Variants in PFKP observed in about 807,000 individuals in gnomAD.
PFKP encodes the protein ATP-dependent 6-phosphofructokinase, platelet type.
A neutral mutation model predicts 94.3 loss-of-function variants in PFKP; 101 were observed. That is an observed-to-expected ratio of 1.07 (90% confidence interval 0.91 to 1.26). The LOEUF (loss-of-function observed/expected upper bound fraction) is 1.26, where lower values mean the gene tolerates loss of function less well. Ranked by LOEUF, PFKP falls within the 50% of genes most tolerant of loss-of-function variation. The probability of loss-of-function intolerance (pLI) is 0.00; values close to 1 mark genes in which losing one functional copy is unlikely to be tolerated. For synonymous variants in PFKP, 573 were observed against 432.6 expected, an observed-to-expected ratio of 1.32 and a Z score of -4.03; for missense variants, 1,145 against 1,103.3, an observed-to-expected ratio of 1.04 and a Z score of -0.53.
intron 1 of PFKP, chr10:3,070,423 G>A (rs1318671670): frequency 2.0e-5 from 3 of 152,182 alleles, no homozygotes; most frequent in Non-Finnish European, 4.4e-5. Context: ...ACTATTGCTT[G>A]TAGCTAGAGA....
At chr10:3,073,738 G>A (rs769873283) in intron 1 of PFKP, among the ~76,000 whole-genome samples, 5 of 149,424 alleles carry the variant, frequency 3.3e-5, no homozygotes, top group African/African-American at 4.9e-5. Context: ...TGAAAGGGTG[G>A]CATGCAGTAG....
chr10:3,118,494 A>G (rs147104442), intron 14 of PFKP, among the ~76,000 whole-genome samples: 1 of 152,216 alleles, frequency 6.6e-6, no homozygotes, highest in Non-Finnish European at 1.5e-5. Flanking sequence ...ATTAATTATA[A>G]CTTCTTAATT....
intron 1 of PFKP, among the ~76,000 whole-genome samples, chr10:3,078,770 C>T (rs1172466753): frequency 6.6e-6 from 1 of 152,184 alleles, no homozygotes; most frequent in East Asian, 1.9e-4. Flanking sequence ...GAGAAACATC[C>T]AGGCCAGGGC....
chr10:3,128,683 C>T (rs1007832008), intron 16 of PFKP, among the ~76,000 whole-genome samples: 2 of 152,258 alleles, frequency 1.3e-5, no homozygotes, highest in Non-Finnish European at 2.9e-5. Context: ...CCAGGGCCTT[C>T]AGCCTCTGCG....
At chr10:3,087,743 T>G (rs1232448032) in intron 2 of PFKP, among the ~76,000 whole-genome samples, 1 of 151,998 alleles carries the variant, frequency 6.6e-6, no homozygotes, top group Admixed American at 6.6e-5. Flanking sequence ...TCTGGCACCC[T>G]CCCCACCTGC....
At position 3,082,427 on chromosome 10, in the gene PFKP, T is replaced by G; in HGVS notation, c.152T>G (p.Ile51Ser). Residue 51 changes from isoleucine (I) to serine (S), a missense_variant, in exon 2 of 22, where the codon ATC becomes AGC. Physicochemically the swap from Ile to Ser is moderately radical, Grantham distance 142. Transcript: ENST00000381125. ...GTCCGTGCCGTGGTGCGCATGGGTA[T>G]CTACGTGGGGGCCAAGGTGTACTTC... ...AAVRAVVRMGIYVGAKVYFIY... is the reference protein window; with the variant it reads ...AAVRAVVRMGSYVGAKVYFIY... 1 of 1,608,228 alleles carries G rather than the reference T, an allele frequency of 6.2e-7. No individual in the cohort carries two copies. The highest frequency in any genetic ancestry group is 8.5e-7 in the Non-Finnish European group (1 of 1,176,200).
chr10:3,109,561 G>A (rs1454533518), intron 10 of PFKP, 81 bp downstream of exon 10: 1 of 1,535,140 alleles, frequency 6.5e-7, no homozygotes, highest in African/African-American at 1.4e-5. Context: ...TGGGCACCTT[G>A]GGTGTCTCGT....
At chr10:3,115,477 G>GATT (rs1564327826) in intron 13 of PFKP, among the ~76,000 whole-genome samples, 560 of 29,064 alleles carry the variant, frequency 0.019, 132 homozygotes, top group Middle Eastern at 0.068. Context: ...CGCCATGGAG[G>GATT]ACAGGACTGG....
intron 2 of PFKP, among the ~76,000 whole-genome samples, chr10:3,095,930 G>C (rs1834442763): frequency 6.7e-6 from 1 of 149,918 alleles, no homozygotes; most frequent in African/African-American, 2.5e-5. Flanking sequence ...ATTGGAGGTG[G>C]CACTCAGAAA....
At chr10:3,118,913 G>T (rs775434898) in intron 15 of PFKP, 44 bp downstream of exon 15, 1 of 1,459,394 alleles carries the variant, frequency 6.9e-7, no homozygotes, top group African/African-American at 1.4e-5. Context: ...GGTGTGAGCC[G>T]CGCCCTGTGT....
At chr10:3,099,397 CTT>C (rs754967676) in intron 3 of PFKP, 45 bp downstream of exon 3, 4 of 1,424,240 alleles carry the variant, frequency 2.8e-6, no homozygotes, top group Non-Finnish European at 2.0e-6. Context: ...GTTAGAGACT[CTT>C]TTATGTCTAG....
intron 1 of PFKP, among the ~76,000 whole-genome samples, chr10:3,077,428 A>ATTT (rs531950487): frequency 6.2e-5 from 9 of 145,842 alleles, no homozygotes; most frequent in Non-Finnish European, 1.1e-4. Flanking sequence ...TGCCCGGCTA[A>ATTT]TTTTTTTTTT....
chr10:3,079,889 C>G (rs1429350476), intron 1 of PFKP, among the ~76,000 whole-genome samples: 1 of 152,124 alleles, frequency 6.6e-6, no homozygotes, highest in Non-Finnish European at 1.5e-5. Context: ...CGAGGACCTT[C>G]CACAGGTGTG....
intron 10 of PFKP, among the ~76,000 whole-genome samples, chr10:3,110,145 A>G (rs1836030000): frequency 6.6e-6 from 1 of 152,128 alleles, no homozygotes; most frequent in Non-Finnish European, 1.5e-5. Flanking sequence ...CTTTTCAGGC[A>G]TTGGTTCAGT....
chr10:3,113,517 AG>A lies in PFKP; in HGVS notation c.1371+1del, dbSNP rs770622427. 4.3e-6 allele frequency: 7 copies of A among 1,612,080 alleles called. No individual in the cohort carries two copies. Among genetic ancestry groups the A allele is most frequent in the Non-Finnish European group, 4.2e-6 (5 of 1,179,870 alleles). On this transcript the variant is annotated frameshift_variant and splice_region_variant, in exon 13 of 22. Transcript: ENST00000381125. LOFTEE classifies it high-confidence loss of function. The stretch of plus-strand genomic sequence containing the variant: ...GGCTTTGACGGCTTCGCCAAGGGCC[AG>A]GTGAGTCACCCAGGATGCCGTAGGC... ...YDGFDGFAKG[Q>X]IKEIGWTDVG...
chr10:3,105,284 C>A, intron 6 of PFKP, 109 bp from the exon 7 acceptor site: 1 of 1,299,778 alleles, frequency 7.7e-7, no homozygotes, highest in Non-Finnish European at 1.1e-6. Context: ...CGGCATCCCG[C>A]TTCATACCTG....
intron 15 of PFKP, 102 bp from the exon 16 acceptor site, chr10:3,119,790 C>CATTAAAAAAAAACAA: frequency 1.0e-6 from 1 of 960,608 alleles, no homozygotes; most frequent in Non-Finnish European, 1.6e-6. Flanking sequence ...CCAGTGTGCT[C>CATTAAAAAAAAACAA]CCTGCGTGCT....
At chr10:3,098,235 C>T (rs919546087) in intron 2 of PFKP, among the ~76,000 whole-genome samples, 10 of 152,152 alleles carry the variant, frequency 6.6e-5, no homozygotes, top group Non-Finnish European at 7.3e-5. Context: ...CTATCATGAA[C>T]TTTTCTAAAT....
intron 8 of PFKP, 87 bp from the exon 9 acceptor site, chr10:3,108,614 C>CT: frequency 1.0e-6 from 1 of 978,994 alleles, no homozygotes; most frequent in Non-Finnish European, 1.6e-6. Context: ...AGCGAAAAAC[C>CT]TTTTCCAGTG....
Sources: allele counts gnomAD v4.1 joint callset (sites outside exome capture counted in the v4.1 genomes callset), GRCh38; gene constraint gnomAD v4.1.1; transcripts MANE v1.5; gene names NCBI Gene and HGNC (gene_info 2026-07-23, HGNC 2026-07-21).